STIP1: variants seen among roughly 807,000 people sequenced by gnomAD.
STIP1 encodes stress induced phosphoprotein 1.
A neutral mutation model predicts 77.4 loss-of-function variants in STIP1; 16 were observed. The observed-to-expected ratio is 0.21, with a 90% CI of 0.14 to 0.31. The LOEUF (loss-of-function observed/expected upper bound fraction) is 0.31, where lower values mean the gene tolerates loss of function less well. Ranked by LOEUF, STIP1 falls within the 10% of genes least tolerant of loss-of-function variation. The pLI is 1.00. For missense variants in STIP1, 524 were observed against 684.8 expected (o/e 0.77, Z 2.62); for synonymous variants, 258 against 246.6 (o/e 1.05, Z -0.44).
chr11:64,191,757 C>CTT (rs879445704), intron 1 of STIP1, among the ~76,000 whole-genome samples: 1 of 143,004 alleles, frequency 7.0e-6, no homozygotes, highest in Non-Finnish European at 1.5e-5. Context: ...GCCTGCCTCA[C>CTT]TTTTTTTTTT....
At chr11:64,195,960 T>C in intron 5 of STIP1, 147 bp downstream of exon 5, 1 of 1,190,132 alleles carries the variant, frequency 8.4e-7, no homozygotes, top group Non-Finnish European at 1.2e-6. Flanking sequence ...CAGGTTGGTC[T>C]TGAACTTCTG....
chr11:64,188,056 A>G (rs1946046520), intron 1 of STIP1, among the ~76,000 whole-genome samples: 1 of 149,266 alleles, frequency 6.7e-6, no homozygotes, highest in African/African-American at 2.4e-5. Context: ...AAAAAAAAAA[A>G]AGGATCTCGG....
intron 1 of STIP1, among the ~76,000 whole-genome samples, chr11:64,189,010 T>G (rs1448039077): frequency 6.6e-6 from 1 of 151,866 alleles, no homozygotes; most frequent in Admixed American, 6.6e-5. Flanking sequence ...AGGTCAGGAG[T>G]TTGAGACCAA....
At position 64,194,588 on chromosome 11, in the gene STIP1, G is replaced by A. The variant is rs971570298; in HGVS notation, c.471G>A (p.Glu157=). 6.2e-7 allele frequency: 1 copy of A among 1,614,044 alleles called. No homozygotes were observed. Among genetic ancestry groups the A allele is most frequent in the African/African-American group, 1.3e-5 (1 of 74,922 alleles). ...ATCCTACCTACCGGGAGCTGATAGA[G>A]CAGCTACGAAACAAGCCTTCTGACC... ...LSDPTYRELI[E]QLRNKPSDLG... Residue 157 remains glutamate (E), a synonymous_variant, in exon 4 of 14, where the codon GAG becomes GAA. Coordinates refer to ENST00000305218, the MANE Select transcript of STIP1 (RefSeq NM_006819.3).
intron 1 of STIP1, among the ~76,000 whole-genome samples, chr11:64,192,181 G>T (rs1342290398): frequency 6.6e-6 from 1 of 152,162 alleles, no homozygotes; most frequent in Non-Finnish European, 1.5e-5. Context: ...AAGTGTGGGG[G>T]TGTGCGCCTG....
Position 64,194,202 on chromosome 11 carries a change from A to AAGC in STIP1, c.240_242dup (p.Ala81dup). 6.2e-7 allele frequency: 1 copy of AAGC among 1,613,740 alleles called. No individual in the cohort carries two copies. The highest frequency in any genetic ancestry group is 8.5e-7 in the Non-Finnish European group (1 of 1,179,928). On this transcript the variant is annotated inframe_insertion, in exon 3 of 14. Coordinates refer to ENST00000305218, the MANE Select transcript of STIP1 (RefSeq NM_006819.3). ...TGGTGGTTTAAGGGCTATTCACGAA[A>AAGC]AGCAGCAGCTCTAGAGTTCTTAAAC...
At chr11:64,203,042 C>G in intron 11 of STIP1, 83 bp from the exon 12 acceptor site, 1 of 1,591,484 alleles carries the variant, frequency 6.3e-7, no homozygotes, top group East Asian at 2.2e-5. Flanking sequence ...CAGGTGTGAA[C>G]AGTGTTGGTG....
chr11:64,203,052 G>A (rs1946237731), intron 11 of STIP1, 73 bp from the exon 12 acceptor site: 1 of 1,595,524 alleles, frequency 6.3e-7, no homozygotes, highest in South Asian at 1.1e-5. Context: ...CAGTGTTGGT[G>A]TGCAGGTGAA....
At chr11:64,198,092 T>A in intron 8 of STIP1, 118 bp downstream of exon 8, 3 of 1,375,866 alleles carry the variant, frequency 2.2e-6, no homozygotes, top group Non-Finnish European at 2.9e-6. Context: ...AGGGTCTCAC[T>A]CTTTCACCCA....
chr11:64,186,444 CT>C, intron 1 of STIP1, 174 bp downstream of exon 1: 1 of 721,488 alleles, frequency 1.4e-6, no homozygotes, highest in Non-Finnish European at 1.9e-6. Flanking sequence ...GGAGCGGGAT[CT>C]TTAGCGAGGC....
At chr11:64,186,339 G>A in intron 1 of STIP1, 69 bp downstream of exon 1, 3 of 1,272,262 alleles carry the variant, frequency 2.4e-6, no homozygotes, top group East Asian at 2.9e-5. Flanking sequence ...GCCGCGGTAG[G>A]GGGGCGGGGC....
intron 4 of STIP1, among the ~76,000 whole-genome samples, chr11:64,195,068 C>T (rs944964008): frequency 7.9e-5 from 12 of 152,136 alleles, no homozygotes; most frequent in Non-Finnish European, 1.5e-5. Flanking sequence ...ATCTGCTAAC[C>T]TTGAGGAATA....
chr11:64,189,730 A>G (rs1204116994), intron 1 of STIP1, among the ~76,000 whole-genome samples: 1 of 152,202 alleles, frequency 6.6e-6, no homozygotes, highest in Non-Finnish European at 1.5e-5. Context: ...AATGCTGGTC[A>G]TGACCTACAA....
intron 5 of STIP1, chr11:64,196,756 G>A (rs1213387792): frequency 6.3e-6 from 1 of 158,610 alleles, no homozygotes; most frequent in East Asian, 1.9e-4. Context: ...AAATGGGTAA[G>A]CGTTGGTTGT....
At chr11:64,191,772 T>TA (rs1163809057) in intron 1 of STIP1, among the ~76,000 whole-genome samples, 16 of 151,364 alleles carry the variant, frequency 1.1e-4, no homozygotes, top group African/African-American at 3.4e-4. Flanking sequence ...TTTTTTTTTT[T>TA]AATGAAAAAG....
chr11:64,186,316 C>T, intron 1 of STIP1, 46 bp downstream of exon 1: 5 of 220,850 alleles, frequency 2.3e-5, no homozygotes, highest in Non-Finnish European at 3.9e-5. Flanking sequence ...GCTCGGGGAC[C>T]GGCGGTGGCC....
intron 8 of STIP1, among the ~76,000 whole-genome samples, chr11:64,199,577 T>A (rs950914214): frequency 1.4e-5 from 2 of 143,668 alleles, no homozygotes; most frequent in Non-Finnish European, 3.0e-5. Flanking sequence ...TTTTTTTTTT[T>A]TTTGAGATGG....
At chr11:64,202,938 CCT>C (rs752098248) in intron 11 of STIP1, 26 bp downstream of exon 11, 54 of 1,614,088 alleles carry the variant, frequency 3.3e-5, no homozygotes, top group African/African-American at 6.7e-5. Flanking sequence ...CTGCCTGTCC[CCT>C]GTCTCTAGCC....
At chr11:64,187,066 C>G (rs1015091643) in intron 1 of STIP1, among the ~76,000 whole-genome samples, 1 of 152,072 alleles carries the variant, frequency 6.6e-6, no homozygotes, top group African/African-American at 2.4e-5. Flanking sequence ...GGGTTTCTGA[C>G]GACCCGGGGG....
Sources: gnomAD v4.1 joint callset for allele counts (sites outside exome capture counted in the v4.1 genomes callset) on GRCh38, gnomAD v4.1.1 for gene constraint, MANE v1.5 for transcripts, NCBI Gene and HGNC (gene_info 2026-07-23, HGNC 2026-07-21) for gene names.